ASIC2: variants seen among roughly 807,000 people sequenced by gnomAD.
The protein encoded by ASIC2 is acid-sensing ion channel 2.
Under a neutral mutation model 57.3 loss-of-function variants are expected in ASIC2, and 25 were observed. The observed-to-expected ratio is 0.44, with a 90% CI of 0.32 to 0.61. The LOEUF is 0.61. ASIC2 is among the 20% of genes least tolerant of loss of function. ASIC2 has a pLI of 0.06. For missense variants in ASIC2, 641 were observed against 738.1 expected (o/e 0.87, Z 1.52); for synonymous variants, 319 against 307.5 (o/e 1.04, Z -0.39).
At chr17:33,205,163 A>G (rs1290786896) in intron 1 of ASIC2, among the ~76,000 whole-genome samples, 2 of 152,204 alleles carry the variant, frequency 1.3e-5, no homozygotes, top group African/African-American at 4.8e-5. Context: ...TCAGTTAGCC[A>G]GAGCCCCTGC....
At position 33,904,531 on chromosome 17, in the gene ASIC2, C is replaced by T. The variant is rs1379757164; in HGVS notation, c.555+251447G>A. 3.3e-5 allele frequency among the ~76,000 whole-genome samples: 5 copies of T among 152,096 alleles called. No individual in the cohort carries two copies. The East Asian group carries it at 9.6e-4, about 29-fold the overall frequency. ...ATAGAGTTTGTACTTTTAAAAACTCCCTGTCATGCAACTAAGGTCGAGAAC... is the reference window on the plus strand; with the variant it reads ...ATAGAGTTTGTACTTTTAAAAACTCTCTGTCATGCAACTAAGGTCGAGAAC... On this transcript the variant is annotated intron_variant, in intron 1 of 9. Transcript: ENST00000359872.
chr17:33,760,019 G>T (rs1393993052), intron 1 of ASIC2, among the ~76,000 whole-genome samples: 1 of 152,114 alleles, frequency 6.6e-6, no homozygotes, highest in Non-Finnish European at 1.5e-5. Context: ...CTCTAAGAAA[G>T]AAATTTGACT....
At position 33,536,667 on chromosome 17, in the gene ASIC2, T is replaced by C. The variant is rs115401124; in HGVS notation, c.556-424600A>G. Among the ~76,000 whole-genome samples the C allele has an allele frequency of 1.7e-3, 263 of 152,338 alleles. 4 individuals carry two copies. The highest frequency in any genetic ancestry group is 6.8e-3 in the Middle Eastern group (2 of 294). ...AACTGGTCTTCCTGTAATTTTCTGC[T>C]CTTTCCCAGTTAACTCCTCACACAG... On this transcript the variant is annotated intron_variant, in intron 1 of 9. Coordinates refer to the ASIC2 transcript ENST00000359872.
intron 1 of ASIC2, among the ~76,000 whole-genome samples, chr17:33,950,498 G>C (rs931606732): frequency 1.3e-5 from 2 of 152,212 alleles, no homozygotes; most frequent in Non-Finnish European, 2.9e-5. Context: ...AAACCCAAAC[G>C]ACGGATCCCC....
rs74818466 is a variant in ASIC2, at chr17:33,855,427, A to T, written c.555+300551T>A. ...CCCCAAGTCCCACATAAATTCAGGT[A>T]TAGTAATATTATAAACCCCATATGG... On this transcript the variant is annotated intron_variant, in intron 1 of 9. Transcript: ENST00000359872. 7.1e-3 allele frequency among the ~76,000 whole-genome samples: 1,088 copies of T among 152,340 alleles called. 11 individuals are homozygous for T. The highest frequency in any genetic ancestry group is 0.025 in the African/African-American group (1,031 of 41,568).
At chr17:34,046,496 G>A (rs1908343016) in intron 1 of ASIC2, among the ~76,000 whole-genome samples, 1 of 152,174 alleles carries the variant, frequency 6.6e-6, no homozygotes, top group Non-Finnish European at 1.5e-5. Context: ...AATCAATGCT[G>A]GCTGGCCAAG....
intron 1 of ASIC2, among the ~76,000 whole-genome samples, chr17:33,203,498 G>T (rs1906955470): frequency 6.6e-6 from 1 of 152,178 alleles, no homozygotes; most frequent in South Asian, 2.1e-4. Context: ...CATTAATAAA[G>T]AAGGGAACTT....
chr17:34,077,885 C>T (rs1909730687), intron 1 of ASIC2, among the ~76,000 whole-genome samples: 1 of 152,148 alleles, frequency 6.6e-6, no homozygotes, highest in African/African-American at 2.4e-5. Context: ...GACCCCAGAA[C>T]ATGGCACTCA....
At chr17:33,303,423 G>A (rs1906041234) in intron 1 of ASIC2, among the ~76,000 whole-genome samples, 1 of 152,152 alleles carries the variant, frequency 6.6e-6, no homozygotes, top group African/African-American at 2.4e-5. Context: ...GGTTCAGGGA[G>A]GTACCCATAG....
chr17:33,724,641 C>A (rs1909489857), intron 1 of ASIC2, among the ~76,000 whole-genome samples: 3 of 152,148 alleles, frequency 2.0e-5, no homozygotes, highest in Admixed American at 1.3e-4. Flanking sequence ...TGGCAGAATG[C>A]AGCAGCCAAT....
chr17:33,579,192 AGG>A (rs1470822836), intron 1 of ASIC2, among the ~76,000 whole-genome samples: 1 of 151,536 alleles, frequency 6.6e-6, no homozygotes, highest in Middle Eastern at 3.2e-3. Flanking sequence ...AGGCTGAGGC[AGG>A]AGAATCGCTT....
chr17:33,366,152 C>A (rs1012640757), intron 1 of ASIC2, among the ~76,000 whole-genome samples: 3 of 152,250 alleles, frequency 2.0e-5, no homozygotes, highest in Admixed American at 6.5e-5. Context: ...TGGAGCCCTG[C>A]TCTTGACTGG....
chr17:34,104,727 T>C (rs1038805709), intron 1 of ASIC2, among the ~76,000 whole-genome samples: 8 of 152,242 alleles, frequency 5.3e-5, no homozygotes, highest in African/African-American at 1.9e-4. Context: ...TGATCATATA[T>C]GTTTTTAACT....
intron 1 of ASIC2, among the ~76,000 whole-genome samples, chr17:33,263,801 G>T (rs1347061750): frequency 6.6e-6 from 1 of 152,234 alleles, no homozygotes; most frequent in Non-Finnish European, 1.5e-5. Flanking sequence ...CTTACAAGAA[G>T]AATTCCTAAA....
chr17:33,071,327 T>C lies in ASIC2; in HGVS notation c.987+17536A>G, dbSNP rs564085970. ...CTATTTCATTTCAATCTCCTCAAGT[T>C]AACTAATCTTTTCCTCTGCAATGTT... On this transcript the variant is annotated intron_variant, in intron 3 of 9. Transcript: ENST00000225823. Among the ~76,000 whole-genome samples the C allele has an allele frequency of 4.6e-5, 7 of 152,344 alleles. No homozygotes were observed. The South Asian group carries it at 1.0e-3, about 23-fold the overall frequency.
intron 1 of ASIC2, among the ~76,000 whole-genome samples, chr17:33,943,886 C>A (rs188629234): frequency 1.1e-4 from 17 of 152,136 alleles, no homozygotes; most frequent in Non-Finnish European, 1.6e-4. Flanking sequence ...GAGTTCTGTG[C>A]TTGCAGTTTC....
At chr17:33,339,689 T>C (rs1281756890) in intron 1 of ASIC2, among the ~76,000 whole-genome samples, 1 of 152,190 alleles carries the variant, frequency 6.6e-6, no homozygotes, top group Admixed American at 6.5e-5. Flanking sequence ...TAGAATAAGT[T>C]GTCTCTCTGA....
chr17:33,478,209 AG>A (rs1276236219), intron 1 of ASIC2, among the ~76,000 whole-genome samples: 1 of 152,196 alleles, frequency 6.6e-6, no homozygotes, highest in Admixed American at 6.5e-5. Context: ...AGCTTCCAAG[AG>A]GGGGCACAGC....
At chr17:33,897,867 TA>T (rs1353552522) in intron 1 of ASIC2, among the ~76,000 whole-genome samples, 1 of 152,058 alleles carries the variant, frequency 6.6e-6, no homozygotes, top group African/African-American at 2.4e-5. Context: ...AGAGTGAGGA[TA>T]AAAAGTTGGA....
Sources: gnomAD v4.1 joint callset for allele counts (sites outside exome capture counted in the v4.1 genomes callset) on GRCh38, gnomAD v4.1.1 for gene constraint, MANE v1.5 for transcripts, NCBI Gene and HGNC (gene_info 2026-07-23, HGNC 2026-07-21) for gene names.